The following ERBB4 variants were observed in gnomAD, a reference collection of about 807,000 sequenced individuals.
ERBB4 encodes the protein receptor tyrosine-protein kinase erbB-4.
Under a neutral mutation model 158.0 loss-of-function variants are expected in ERBB4, and 42 were observed. The ratio of observed to expected loss-of-function variants is 0.27; its 90% CI spans 0.21 to 0.34. The LOEUF (loss-of-function observed/expected upper bound fraction) is 0.34. ERBB4 is among the 10% of genes least tolerant of loss of function. ERBB4 has a pLI of 1.00. For missense variants in ERBB4, 1,333 were observed against 1,624.1 expected (o/e 0.82, Z 3.08); for synonymous variants, 583 against 558.7 (o/e 1.04, Z -0.61).
At chr2:211,673,815 A>G (rs1051001287) in intron 13 of ERBB4, among the ~76,000 whole-genome samples, 4 of 151,910 alleles carry the variant, frequency 2.6e-5, no homozygotes, top group African/African-American at 9.7e-5. Context: ...TAGAGAAAAC[A>G]TCTTTTTATG....
chr2:212,532,487 C>A (rs1439664608), intron 1 of ERBB4, among the ~76,000 whole-genome samples: 2 of 92,342 alleles, frequency 2.2e-5, no homozygotes, highest in Non-Finnish European at 4.2e-5. Flanking sequence ...TAATTAAAAA[C>A]CAATAAACTT....
intron 1 of ERBB4, among the ~76,000 whole-genome samples, chr2:212,527,888 G>A (rs58355882): frequency 0.044 from 5,267 of 121,058 alleles, 382 homozygotes; most frequent in African/African-American, 0.16. Flanking sequence ...AGAGTGTGAT[G>A]TTCCCCTTCC....
chr2:212,224,209 C>T (rs1312150554), intron 1 of ERBB4, among the ~76,000 whole-genome samples: 1 of 151,812 alleles, frequency 6.6e-6, no homozygotes, highest in Non-Finnish European at 1.5e-5. Flanking sequence ...TCAATTTCTT[C>T]TCTCTTTTTC....
chr2:212,132,472 G>C (rs1256556969), intron 1 of ERBB4, among the ~76,000 whole-genome samples: 1 of 152,118 alleles, frequency 6.6e-6, no homozygotes, highest in Non-Finnish European at 1.5e-5. Flanking sequence ...CCCCAGTGTG[G>C]GTGAGTATTA....
intron 1 of ERBB4, among the ~76,000 whole-genome samples, chr2:212,527,201 A>G (rs753159535): frequency 2.0e-5 from 3 of 152,122 alleles, no homozygotes; most frequent in East Asian, 1.9e-4. Flanking sequence ...AAGAAAATAG[A>G]TATATACCTG....
At chr2:212,235,460 T>C (rs916151337) in intron 1 of ERBB4, among the ~76,000 whole-genome samples, 3 of 152,182 alleles carry the variant, frequency 2.0e-5, no homozygotes, top group Non-Finnish European at 2.9e-5. Context: ...GGGCTCTTTT[T>C]TCGTTCCATA....
At chr2:211,919,108 T>C (rs954065745) in intron 3 of ERBB4, among the ~76,000 whole-genome samples, 1 of 152,086 alleles carries the variant, frequency 6.6e-6, no homozygotes, top group Non-Finnish European at 1.5e-5. Flanking sequence ...TAATCATGAA[T>C]AAACAAGTAA....
At chr2:211,689,637 T>A (rs1490778275) in intron 12 of ERBB4, among the ~76,000 whole-genome samples, 8 of 152,338 alleles carry the variant, frequency 5.3e-5, no homozygotes, top group African/African-American at 1.9e-4. Context: ...GGTGGTCGAA[T>A]TCTATATAAT....
intron 12 of ERBB4, among the ~76,000 whole-genome samples, chr2:211,694,666 A>T (rs188010865): frequency 7.2e-5 from 11 of 152,146 alleles, no homozygotes; most frequent in Admixed American, 3.9e-4. Context: ...GATTACTCAG[A>T]AGAATAGCGA....
At chr2:211,910,193 AG>A (rs754573561) in intron 3 of ERBB4, among the ~76,000 whole-genome samples, 5 of 151,602 alleles carry the variant, frequency 3.3e-5, no homozygotes, top group African/African-American at 4.8e-5. Context: ...CTGGGATTAC[AG>A]GCATAAACTA....
At chr2:211,527,719 A>G (rs2066386650) in intron 20 of ERBB4, among the ~76,000 whole-genome samples, 1 of 152,110 alleles carries the variant, frequency 6.6e-6, no homozygotes, top group Non-Finnish European at 1.5e-5. Context: ...GGAGGAAGTT[A>G]AAGTGTAGAG....
At chr2:211,567,237 C>T (rs972737396) in intron 19 of ERBB4, among the ~76,000 whole-genome samples, 17 of 152,054 alleles carry the variant, frequency 1.1e-4, no homozygotes, top group Non-Finnish European at 1.5e-4. Context: ...TGTACTGTTA[C>T]GACAGTAGAA....
chr2:211,931,892 A>T (rs1192574369), intron 3 of ERBB4, among the ~76,000 whole-genome samples: 1 of 152,104 alleles, frequency 6.6e-6, no homozygotes, highest in Non-Finnish European at 1.5e-5. Context: ...ACAAGAAGGG[A>T]ACTAACATAT....
chr2:212,372,961 C>A (rs1366167384), intron 1 of ERBB4, among the ~76,000 whole-genome samples: 1 of 151,980 alleles, frequency 6.6e-6, no homozygotes, highest in African/African-American at 2.4e-5. Context: ...TAAGACTGTA[C>A]TGAAGAGCAA....
intron 1 of ERBB4, among the ~76,000 whole-genome samples, chr2:212,525,494 C>A (rs922848569): frequency 1.3e-5 from 2 of 151,988 alleles, no homozygotes; most frequent in Admixed American, 1.3e-4. Flanking sequence ...AAATCCTTAA[C>A]AGATATATAA....
At chr2:211,981,023 C>T (rs1331273513) in intron 2 of ERBB4, among the ~76,000 whole-genome samples, 3 of 151,584 alleles carry the variant, frequency 2.0e-5, no homozygotes, top group Non-Finnish European at 4.4e-5. Context: ...CAATCCAATG[C>T]TTTCTTAAAG....
chr2:211,430,724 C>T lies in ERBB4; in HGVS notation c.2643+221G>A, dbSNP rs552102239. ...TCTTATTTTAGCTACTTTTGAGAAA[C>T]GGAAGCTGGTAATATATGGTATATA... On this transcript the variant is annotated intron_variant, in intron 21 of 27. Coordinates refer to ENST00000342788, the MANE Select transcript of ERBB4 (RefSeq NM_005235.3). 9.2e-5 allele frequency among the ~76,000 whole-genome samples: 14 copies of T among 151,568 alleles called. No individual in the cohort carries two copies. In the South Asian group the frequency reaches 1.3e-3, roughly 14 times the overall value.
At chr2:212,065,234 T>A (rs2125433052) in intron 2 of ERBB4, among the ~76,000 whole-genome samples, 1 of 152,184 alleles carries the variant, frequency 6.6e-6, no homozygotes, top group South Asian at 2.1e-4. Flanking sequence ...AGTTTGCCGC[T>A]AATTACTCTC....
intron 20 of ERBB4, among the ~76,000 whole-genome samples, chr2:211,521,861 G>A (rs1362137578): frequency 6.6e-6 from 1 of 152,116 alleles, no homozygotes; most frequent in Non-Finnish European, 1.5e-5. Context: ...CACATCTGTT[G>A]TCAGCATGGT....
Sources: allele counts gnomAD v4.1 joint callset (sites outside exome capture counted in the v4.1 genomes callset), GRCh38; gene constraint gnomAD v4.1.1; transcripts MANE v1.5; gene names NCBI Gene and HGNC (gene_info 2026-07-23, HGNC 2026-07-21).